Variants in ARL13B observed in about 807,000 individuals in gnomAD.
ARL13B encodes ARF like GTPase 13B.
ARL13B carries 36 observed loss-of-function variants against 56.1 expected under a neutral mutation model. That is an observed-to-expected ratio of 0.64 (90% CI 0.49 to 0.85). ARL13B has a LOEUF of 0.85. Ranked by LOEUF, ARL13B falls within the 40% of genes least tolerant of loss-of-function variation. The pLI, the probability that ARL13B is intolerant of heterozygous loss-of-function variation, is 0.00. For missense variants in ARL13B, 519 were observed against 507.1 expected (o/e 1.02, Z -0.23); for synonymous variants, 178 against 171.1 (o/e 1.04, Z -0.32).
intron 3 of ARL13B, among the ~76,000 whole-genome samples, chr3:94,030,352 G>A (rs534867909): frequency 1.3e-5 from 2 of 150,784 alleles, no homozygotes; most frequent in East Asian, 1.9e-4. Flanking sequence ...TCAGCCTCCC[G>A]AGTAGCTGGT....
chr3:93,996,226 A>G (rs994029520), intron 2 of ARL13B, among the ~76,000 whole-genome samples: 2 of 152,208 alleles, frequency 1.3e-5, no homozygotes, highest in African/African-American at 4.8e-5. Context: ...ATAGGAAGGA[A>G]AATTTAAAAA....
chr3:94,032,210 C>CA (rs1394664236), intron 3 of ARL13B, among the ~76,000 whole-genome samples: 1 of 152,070 alleles, frequency 6.6e-6, no homozygotes, highest in East Asian at 1.9e-4. Flanking sequence ...AAATCAACAA[C>CA]AAAAAACAAC....
chr3:93,995,839 A>G (rs763426299), intron 1 of ARL13B, 35 bp from the exon 2 acceptor site: 1 of 1,564,558 alleles, frequency 6.4e-7, no homozygotes, highest in East Asian at 2.4e-5. Flanking sequence ...CTAAATTAAC[A>G]AAGAAAGTGA....
At chr3:94,001,315 G>T (rs890011451) in intron 2 of ARL13B, among the ~76,000 whole-genome samples, 6 of 152,008 alleles carry the variant, frequency 3.9e-5, no homozygotes, top group African/African-American at 1.2e-4. Context: ...GCCTGTCTCT[G>T]CCTGCTATAT....
intron 3 of ARL13B, among the ~76,000 whole-genome samples, chr3:94,019,394 A>G (rs1041996012): frequency 6.6e-6 from 1 of 151,242 alleles, no homozygotes. Context: ...ATAGGGTTTC[A>G]CCATATTGGT....
At chr3:94,011,347 TATC>T (rs1355075531) in intron 3 of ARL13B, among the ~76,000 whole-genome samples, 1 of 152,118 alleles carries the variant, frequency 6.6e-6, no homozygotes, top group Non-Finnish European at 1.5e-5. Flanking sequence ...ACATTAAAGT[TATC>T]ATAACTGCCT....
In ARL13B at chr3:93,995,953, A is replaced by C; in HGVS notation, c.130+9A>C. The stretch of plus-strand genomic sequence containing the variant: ...AAAGGGAATCCAAGGAGGTAAGCTG[A>C]AAACATTTATGTGCTTTCTGAACTC... On this transcript the variant is annotated intron_variant, in intron 2 of 9. Coordinates refer to ENST00000394222, the MANE Select transcript of ARL13B (RefSeq NM_001174150.2). 6.2e-7 allele frequency: 1 copy of C among 1,611,704 alleles called. No individual in the cohort carries two copies. Among genetic ancestry groups the C allele is most frequent in the South Asian group, 1.1e-5 (1 of 90,904 alleles).
intron 3 of ARL13B, among the ~76,000 whole-genome samples, chr3:94,020,373 T>G (rs2076422161): frequency 6.6e-6 from 1 of 152,212 alleles, no homozygotes; most frequent in Admixed American, 6.5e-5. Context: ...TTGAACCATG[T>G]TGTCAGCTAG....
chr3:94,035,268 A>G (rs1015714020), intron 3 of ARL13B, 63 bp from the exon 4 acceptor site: 161 of 1,176,772 alleles, frequency 1.4e-4, no homozygotes, highest in Non-Finnish European at 1.9e-4. Flanking sequence ...TGTGGTCAAA[A>G]TATCTTTAAG....
intron 2 of ARL13B, among the ~76,000 whole-genome samples, chr3:93,997,536 A>G (rs1278877281): frequency 3.9e-5 from 6 of 152,210 alleles, no homozygotes; most frequent in Non-Finnish European, 7.3e-5. Flanking sequence ...TCTACGTTAT[A>G]TCTTCACAGG....
intron 3 of ARL13B, chr3:94,015,280 C>T: frequency 6.6e-7 from 1 of 1,514,422 alleles, no homozygotes; most frequent in South Asian, 1.4e-5. Flanking sequence ...CTTCCCTTTC[C>T]TCCTAAGAAG....
chr3:94,009,504 T>C (rs908962955), intron 3 of ARL13B, among the ~76,000 whole-genome samples: 3 of 152,110 alleles, frequency 2.0e-5, no homozygotes, highest in Non-Finnish European at 4.4e-5. Flanking sequence ...GAATCAAACA[T>C]ACTTTTAGTA....
At chr3:94,015,058 A>C (rs572127548) in intron 3 of ARL13B, 1 of 1,613,916 alleles carries the variant, frequency 6.2e-7, no homozygotes, top group Non-Finnish European at 8.5e-7. Context: ...TTGCTGCCCA[A>C]ATTTTTGAAC....
chr3:94,036,736 G>A lies in ARL13B; in HGVS notation c.671G>A (p.Arg224Gln), dbSNP rs542323478. The A allele has an allele frequency of 1.6e-4, 255 of 1,611,768 alleles. 4 individuals are homozygous for A. The South Asian group carries it at 2.4e-3, about 15-fold the overall frequency. The change falls in exon 5 of 10, where the codon CGA becomes CAA. Residue 224 changes from arginine (R) to glutamine (Q), a missense_variant. Physicochemically the swap from Arg to Gln is conservative, Grantham distance 43. Transcript: ENST00000394222. ...QEKQERAERV[R>Q]KLREERKQNE... is the part of the protein sequence containing the mutation. The stretch of plus-strand genomic sequence containing the variant: ...AAACAAGAAAGAGCTGAACGAGTGC[G>A]AAAATTACGAGAAGAAAGGTAAGTA...
chr3:94,040,324 TTC>T (rs2076840833), intron 6 of ARL13B, among the ~76,000 whole-genome samples: 1 of 152,230 alleles, frequency 6.6e-6, no homozygotes, highest in South Asian at 2.1e-4. Flanking sequence ...TATTTACATT[TTC>T]TGTGTTTCTG....
At chr3:94,002,025 A>G (rs1468598335) in intron 2 of ARL13B, among the ~76,000 whole-genome samples, 6 of 152,158 alleles carry the variant, frequency 3.9e-5, no homozygotes, top group African/African-American at 1.4e-4. Flanking sequence ...TGTAAACTTC[A>G]CTAAGGTGCT....
intron 1 of ARL13B, among the ~76,000 whole-genome samples, chr3:93,989,635 CT>C (rs2075833005): frequency 6.6e-6 from 1 of 151,884 alleles, no homozygotes; most frequent in Non-Finnish European, 1.5e-5. Context: ...TCATTGAAAC[CT>C]TATTTAATTT....
intron 3 of ARL13B, among the ~76,000 whole-genome samples, chr3:94,029,677 T>C (rs540980779): frequency 2.0e-5 from 3 of 152,210 alleles, no homozygotes; most frequent in Non-Finnish European, 4.4e-5. Context: ...TTAACAGTTC[T>C]ACTTCCTGGA....
chr3:94,015,803 AT>A (rs1559986565), intron 3 of ARL13B, among the ~76,000 whole-genome samples: 1 of 152,130 alleles, frequency 6.6e-6, no homozygotes, highest in Non-Finnish European at 1.5e-5. Flanking sequence ...TATTGAATTT[AT>A]TTTAAATTTT....
Sources: allele counts gnomAD v4.1 joint callset (sites outside exome capture counted in the v4.1 genomes callset), GRCh38; gene constraint gnomAD v4.1.1; transcripts MANE v1.5; gene names NCBI Gene and HGNC (gene_info 2026-07-23, HGNC 2026-07-21).